Variants in SCN9A observed in about 807,000 individuals in gnomAD.
The protein encoded by SCN9A is sodium voltage-gated channel alpha subunit 9, also known as sodium channel protein type 9 subunit alpha.
SCN9A carries 131 observed loss-of-function variants against 187.0 expected under a neutral mutation model. The observed-to-expected ratio is 0.70, with a 90% CI of 0.61 to 0.81. The LOEUF (loss-of-function observed/expected upper bound fraction) is 0.81, where lower values mean the gene tolerates loss of function less well. SCN9A is among the 30% of genes least tolerant of loss of function. SCN9A has a pLI of 0.00. For missense variants in SCN9A, 2,252 were observed against 2,396.6 expected, an observed-to-expected ratio of 0.94 and a Z score of 1.26; for synonymous variants, 809 against 808.6, an observed-to-expected ratio of 1.00 and a Z score of -0.01.
intron 1 of SCN9A, among the ~76,000 whole-genome samples, chr2:166,337,228 T>A (rs998612929): frequency 6.6e-6 from 1 of 152,100 alleles, no homozygotes; most frequent in East Asian, 1.9e-4. Flanking sequence ...TACTTTCAGG[T>A]ATCTGACTTG....
intron 14 of SCN9A, among the ~76,000 whole-genome samples, chr2:166,279,086 C>A (rs934880366): frequency 1.3e-5 from 2 of 149,616 alleles, no homozygotes; most frequent in Non-Finnish European, 3.0e-5. Flanking sequence ...CCAGGTAAAT[C>A]CTTTCTGAGT....
chr2:166,252,244 C>T (rs1696078431), intron 17 of SCN9A, among the ~76,000 whole-genome samples: 1 of 151,838 alleles, frequency 6.6e-6, no homozygotes, highest in Non-Finnish European at 1.5e-5. Flanking sequence ...CACTGACAAT[C>T]ATTATTTGAG....
In SCN9A at chr2:166,311,535, G is replaced by A. The variant is rs1483161522; in HGVS notation, c.222C>T (p.Pro74=). 1 of 1,611,070 alleles carries A rather than the reference G, an allele frequency of 6.2e-7. No individual in the cohort carries two copies. The highest frequency in any genetic ancestry group is 1.3e-5 in the African/African-American group (1 of 74,578). ...CATAGTAGGGGTCCAAGTCCTCCAG[G>A]GGCTCTGACACCATGCCGGGAGGAA... ...GDIPPGMVSE[P]LEDLDPYYAD... is the part of the protein sequence containing the mutation. Residue 74 remains proline (P), a synonymous_variant, in exon 2 of 27, where the codon CCC becomes CCT. Coordinates refer to ENST00000642356, the MANE Select transcript of SCN9A (RefSeq NM_001365536.1).
At chr2:166,302,274 TCAACCG>T (rs1698588725) in intron 7 of SCN9A, 7 of 143,664 alleles carry the variant, frequency 4.9e-5, no homozygotes, top group African/African-American at 2.1e-4. Context: ...CCAATATTCA[TCAACCG>T]TTCCAGTGAG....
At chr2:166,332,758 G>A (rs114032727) in intron 1 of SCN9A, among the ~76,000 whole-genome samples, 2,300 of 151,890 alleles carry the variant, frequency 0.015, 54 homozygotes, top group African/African-American at 0.052. Context: ...TATACACACT[G>A]CTTTTATATC....
intron 1 of SCN9A, among the ~76,000 whole-genome samples, chr2:166,348,554 T>G (rs892823470): frequency 1.3e-5 from 2 of 152,164 alleles, no homozygotes; most frequent in African/African-American, 4.8e-5. Flanking sequence ...TCTCATTTTG[T>G]CTTATCCACA....
intron 26 of SCN9A, among the ~76,000 whole-genome samples, chr2:166,202,804 T>G (rs1558943908): frequency 2.6e-5 from 4 of 151,842 alleles, no homozygotes; most frequent in Admixed American, 1.3e-4. Context: ...CACATGTAAT[T>G]TAAAATTTGT....
At chr2:166,222,773 A>C (rs1694646666) in intron 24 of SCN9A, among the ~76,000 whole-genome samples, 1 of 145,980 alleles carries the variant, frequency 6.9e-6, no homozygotes. Context: ...TCTACTAAAA[A>C]TACAAAAATT....
At chr2:166,368,935 C>T (rs932839291) in intron 1 of SCN9A, among the ~76,000 whole-genome samples, 9 of 150,290 alleles carry the variant, frequency 6.0e-5, no homozygotes, top group African/African-American at 1.7e-4. Context: ...TGCAGTGAGC[C>T]AAGATCGTAC....
intron 19 of SCN9A, among the ~76,000 whole-genome samples, chr2:166,241,037 A>G (rs2155877): frequency 0.86 from 130,562 of 152,084 alleles, 56,097 homozygotes; most frequent in East Asian, 0.94. Flanking sequence ...TACTTTCCAC[A>G]CATAAGTAAC....
intron 1 of SCN9A, among the ~76,000 whole-genome samples, chr2:166,327,380 C>T (rs1699390629): frequency 6.6e-6 from 1 of 152,156 alleles, no homozygotes; most frequent in Non-Finnish European, 1.5e-5. Flanking sequence ...TCGTCTTGAA[C>T]TCCTGGGCTC....
At chr2:166,347,814 GT>G (rs1286659949) in intron 1 of SCN9A, among the ~76,000 whole-genome samples, 1 of 152,092 alleles carries the variant, frequency 6.6e-6, no homozygotes, top group Non-Finnish European at 1.5e-5. Flanking sequence ...GGCATTTAAA[GT>G]TCATGCCACA....
intron 1 of SCN9A, among the ~76,000 whole-genome samples, chr2:166,320,184 A>G (rs1033837676): frequency 3.9e-5 from 6 of 152,172 alleles, no homozygotes; most frequent in Non-Finnish European, 8.8e-5. Context: ...TATTCCCTAG[A>G]TAATGGCTTT....
chr2:166,342,862 C>A (rs1699818574), intron 1 of SCN9A, among the ~76,000 whole-genome samples: 1 of 152,124 alleles, frequency 6.6e-6, no homozygotes, highest in Non-Finnish European at 1.5e-5. Context: ...ACTTTGGAAA[C>A]CACAGATTAT....
intron 1 of SCN9A, among the ~76,000 whole-genome samples, chr2:166,353,093 G>A (rs1700078166): frequency 6.6e-6 from 1 of 150,704 alleles, no homozygotes; most frequent in Admixed American, 6.6e-5. Flanking sequence ...GGTGGCTAAT[G>A]TCTGTAATCC....
At chr2:166,230,484 A>C (rs1695036020) in intron 21 of SCN9A, among the ~76,000 whole-genome samples, 1 of 152,028 alleles carries the variant, frequency 6.6e-6, no homozygotes, top group Admixed American at 6.6e-5. Flanking sequence ...TCACGTAGGC[A>C]CTCTGATACA....
intron 1 of SCN9A, among the ~76,000 whole-genome samples, chr2:166,366,563 C>T (rs375749001): frequency 5.9e-5 from 9 of 152,228 alleles, no homozygotes; most frequent in East Asian, 5.8e-4. Flanking sequence ...TTTTGAGGAA[C>T]TTCCATATTA....
chr2:166,229,654 T>C (rs1157004212), intron 21 of SCN9A, among the ~76,000 whole-genome samples: 1 of 152,212 alleles, frequency 6.6e-6, no homozygotes, highest in Non-Finnish European at 1.5e-5. Context: ...TTACTCTAAA[T>C]ACTTTATATG....
At chr2:166,241,396 T>C (rs569609003) in intron 19 of SCN9A, among the ~76,000 whole-genome samples, 1 of 152,236 alleles carries the variant, frequency 6.6e-6, no homozygotes, top group African/African-American at 2.4e-5. Flanking sequence ...ATGAGAAACT[T>C]GTCCTACTTT....
Sources: gnomAD v4.1 joint callset for allele counts (sites outside exome capture counted in the v4.1 genomes callset) on GRCh38, gnomAD v4.1.1 for gene constraint, MANE v1.5 for transcripts, NCBI Gene and HGNC (gene_info 2026-07-23, HGNC 2026-07-21) for gene names.